CELF2: variants seen among roughly 807,000 people sequenced by gnomAD.
The protein encoded by CELF2 is CUGBP Elav-like family member 2.
In CELF2, 8 loss-of-function variants were observed where a neutral mutation model predicts 62.6. The observed-to-expected ratio is 0.13, with a 90% CI of 0.07 to 0.23. The LOEUF (loss-of-function observed/expected upper bound fraction) is 0.23, where lower values mean the gene tolerates loss of function less well. Among genes scored for constraint, CELF2 ranks in the 10% least tolerant of loss-of-function variants. The probability of loss-of-function intolerance (pLI) is 1.00; values close to 1 mark genes in which losing one functional copy is unlikely to be tolerated. For missense variants in CELF2, 333 were observed against 671.0 expected (o/e 0.50, Z 5.56); for synonymous variants, 258 against 250.0 (o/e 1.03, Z -0.30).
At chr10:10,689,044 G>GA in the CELF2 span, among the ~76,000 whole-genome samples, 1 of 151,940 alleles carries the variant, frequency 6.6e-6, no homozygotes, top group African/African-American at 2.4e-5. Context: ...TTTTAAAGAA[G>GA]AAAAAATATG....
Position 11,334,255 on chromosome 10 carries a change from A to C in CELF2, c.*5202A>C, listed in dbSNP as rs1314332016. On this transcript the variant is annotated 3_prime_UTR_variant, in exon 13 of 13. Coordinates refer to ENST00000633077, the MANE Select transcript of CELF2 (RefSeq NM_001326342.2). ...TCTGATTCTTCTGTCCTCATTGTGA[A>C]CATAACCGTGTAGTTGAAACAGTCA... The C allele has an allele frequency of 2.0e-5, 3 of 152,662 alleles. No individual in the cohort carries two copies. Among genetic ancestry groups the C allele is most frequent in the Non-Finnish European group, 4.4e-5 (3 of 68,042 alleles). 9.5% of individuals were successfully genotyped at this position (152,662 alleles called of 1,614,324 possible). A position where few individuals can be genotyped will look rare whatever the true frequency, so the allele number is the denominator to read the frequency against.
rs114618775 is a variant in CELF2 at position 11,065,398 on chromosome 10, C to T, written c.74+47235C>T. On this transcript the variant is annotated intron_variant, in intron 1 of 12. Coordinates refer to ENST00000633077, the MANE Select transcript of CELF2 (RefSeq NM_001326342.2). ...CTGCTAAAGGGAAATTCCTTACTACCGAAATGAGCTCAGATTCTTTTGGGA... is the reference window on the plus strand; with the variant it reads ...CTGCTAAAGGGAAATTCCTTACTACTGAAATGAGCTCAGATTCTTTTGGGA... Among the ~76,000 whole-genome samples the T allele has an allele frequency of 7.4e-3, 1,125 of 152,134 alleles. 10 individuals carry two copies. The highest frequency in any genetic ancestry group is 0.025 in the African/African-American group (1,023 of 41,492).
intron 1 of CELF2, among the ~76,000 whole-genome samples, chr10:11,126,080 A>G (rs1214918814): frequency 2.0e-5 from 3 of 152,212 alleles, no homozygotes; most frequent in African/African-American, 7.2e-5. Flanking sequence ...GAGCTGCTTT[A>G]CACCTCCTTT....
the CELF2 span, among the ~76,000 whole-genome samples, chr10:10,526,208 G>A: frequency 6.6e-6 from 1 of 152,134 alleles, no homozygotes; most frequent in South Asian, 2.1e-4. Flanking sequence ...ATGCTTTTCT[G>A]CTCAAACTAT....
the CELF2 span, among the ~76,000 whole-genome samples, chr10:10,539,073 C>G: frequency 6.6e-6 from 1 of 152,206 alleles, no homozygotes; most frequent in Non-Finnish European, 1.5e-5. Context: ...GATTTCTGAT[C>G]CACAATCTAG....
intron 3 of CELF2, among the ~76,000 whole-genome samples, chr10:11,221,140 T>C (rs1480446566): frequency 6.6e-6 from 1 of 152,222 alleles, no homozygotes; most frequent in Non-Finnish European, 1.5e-5. Context: ...AGCTGTTGGA[T>C]TTGGTGCCTT....
chr10:10,507,066 T>A, the CELF2 span, among the ~76,000 whole-genome samples: 1 of 152,124 alleles, frequency 6.6e-6, no homozygotes, highest in Admixed American at 6.5e-5. Flanking sequence ...AGTTCTCAGT[T>A]CATAGGAAAG....
At chr10:10,971,904 T>A (rs538827476) in intron 2 of CELF2, among the ~76,000 whole-genome samples, 1 of 152,186 alleles carries the variant, frequency 6.6e-6, no homozygotes, top group Middle Eastern at 3.2e-3. Flanking sequence ...GCTTTTCACA[T>A]CTTCTTTTCT....
the CELF2 span, among the ~76,000 whole-genome samples, chr10:10,601,968 T>C: frequency 2.1e-3 from 316 of 152,010 alleles, no homozygotes; most frequent in African/African-American, 7.3e-3. Context: ...CAACTCCCAC[T>C]TATAAGTGAG....
chr10:10,566,419 A>ATTTT, the CELF2 span, among the ~76,000 whole-genome samples: 198 of 136,532 alleles, frequency 1.5e-3, 4 homozygotes, highest in East Asian at 0.03. Flanking sequence ...TTTTTTTTTA[A>ATTTT]TTTTTTTTTT....
At chr10:11,056,815 G>A (rs1418340418) in intron 1 of CELF2, among the ~76,000 whole-genome samples, 1 of 152,188 alleles carries the variant, frequency 6.6e-6, no homozygotes, top group Non-Finnish European at 1.5e-5. Context: ...TCTAATCAAA[G>A]TCTGAAAATG....
At chr10:11,103,985 A>ACTT (rs1554838093) in intron 1 of CELF2, among the ~76,000 whole-genome samples, 8 of 151,692 alleles carry the variant, frequency 5.3e-5, no homozygotes, top group Non-Finnish European at 1.0e-4. Flanking sequence ...ATTTATGGTC[A>ACTT]GTTCTGTTTT....
intron 1 of CELF2, among the ~76,000 whole-genome samples, chr10:10,806,843 A>G (rs9424097): frequency 6.6e-6 from 1 of 151,906 alleles, no homozygotes; most frequent in African/African-American, 2.4e-5. Context: ...GGAAGGATCC[A>G]GTCCGGTTTT....
chr10:11,064,504 A>G (rs1009848122), intron 1 of CELF2, among the ~76,000 whole-genome samples: 1 of 152,248 alleles, frequency 6.6e-6, no homozygotes, highest in African/African-American at 2.4e-5. Context: ...AAAAGTGTTT[A>G]ACACTGTGGA....
At chr10:11,065,103 T>G (rs1399799076) in intron 1 of CELF2, among the ~76,000 whole-genome samples, 3 of 152,216 alleles carry the variant, frequency 2.0e-5, no homozygotes, top group African/African-American at 7.2e-5. Context: ...TTATGTATCT[T>G]AAGGGTGAGT....
chr10:10,859,934 G>A (rs1242958809), intron 1 of CELF2, among the ~76,000 whole-genome samples: 1 of 151,990 alleles, frequency 6.6e-6, no homozygotes, highest in Non-Finnish European at 1.5e-5. Flanking sequence ...AAAAAAATTG[G>A]GGATATCAAA....
intron 1 of CELF2, among the ~76,000 whole-genome samples, chr10:10,816,301 T>C (rs1047521467): frequency 6.6e-6 from 1 of 152,204 alleles, no homozygotes; most frequent in Admixed American, 6.5e-5. Flanking sequence ...AAAAAAATAA[T>C]CAAAGGCACA....
intron 12 of CELF2, among the ~76,000 whole-genome samples, chr10:11,327,819 T>C (rs7091812): frequency 2.6e-5 from 4 of 152,212 alleles, no homozygotes; most frequent in Non-Finnish European, 2.9e-5. Context: ...AGAAAAGTCA[T>C]GTCCTCTTCT....
At chr10:10,483,083 TA>T in the CELF2 span, among the ~76,000 whole-genome samples, 1 of 152,080 alleles carries the variant, frequency 6.6e-6, no homozygotes, top group South Asian at 2.1e-4. Flanking sequence ...TTAGAAACCA[TA>T]AGTGGTAAAA....
Sources: allele counts gnomAD v4.1 joint callset (sites outside exome capture counted in the v4.1 genomes callset), GRCh38; gene constraint gnomAD v4.1.1; transcripts MANE v1.5; gene names NCBI Gene and HGNC (gene_info 2026-07-23, HGNC 2026-07-21).